KCNC4: variants seen among roughly 807,000 people sequenced by gnomAD.
The protein encoded by KCNC4 is voltage-gated potassium channel KCNC4.
A neutral mutation model predicts 42.8 loss-of-function variants in KCNC4; 23 were observed. The observed-to-expected ratio is 0.54, with a 90% CI of 0.39 to 0.76. KCNC4 has a LOEUF of 0.76. KCNC4 is among the 30% of genes least tolerant of loss of function. The pLI, the probability that KCNC4 is intolerant of heterozygous loss-of-function variation, is 0.00. For missense variants in KCNC4, 751 were observed against 898.2 expected (o/e 0.84, Z 2.10); for synonymous variants, 422 against 393.5 (o/e 1.07, Z -0.86).
intron 1 of KCNC4, among the ~76,000 whole-genome samples, chr1:110,273,371 G>A (rs919352560): frequency 6.6e-6 from 1 of 152,148 alleles, no homozygotes; most frequent in African/African-American, 2.4e-5. Context: ...GCATTCTATT[G>A]GTACTGCAAC....
At chr1:110,268,610 G>GAAAAAAAAAAAAAAAAAAA (rs1177241176) in intron 1 of KCNC4, among the ~76,000 whole-genome samples, 2 of 82,060 alleles carry the variant, frequency 2.4e-5, no homozygotes, top group African/African-American at 9.0e-5. Context: ...TGTCTCAAAA[G>GAAAAAAAAAAAAAAAAAAA]AAAAAAAAAA....
At chr1:110,271,926 A>C (rs1260739284) in intron 1 of KCNC4, among the ~76,000 whole-genome samples, 1 of 152,100 alleles carries the variant, frequency 6.6e-6, no homozygotes, top group Non-Finnish European at 1.5e-5. Flanking sequence ...GTTATAACAC[A>C]CACTCACCCA....
At chr1:110,265,380 AATAAAATAAAATAAAATAAAAT>A (rs1659521241) in intron 1 of KCNC4, among the ~76,000 whole-genome samples, 2 of 135,500 alleles carry the variant, frequency 1.5e-5, no homozygotes, top group East Asian at 4.0e-4. Flanking sequence ...AATAAAATAA[AATAAAATAAAATAAAATAAAAT>A]AAAATAAAAT....
exon 4 of KCNC4, chr1:110,245,834 A>G (rs1659134219): frequency 6.6e-6 from 1 of 152,248 alleles, no homozygotes; most frequent in African/African-American, 2.4e-5. Context: ...TCTTTCTGAC[A>G]TTGAGAGGGT....
At chr1:110,262,907 C>A (rs896824381) in intron 1 of KCNC4, among the ~76,000 whole-genome samples, 1 of 152,220 alleles carries the variant, frequency 6.6e-6, no homozygotes, top group African/African-American at 2.4e-5. Context: ...GCCTGTCAAG[C>A]CTTGAGCATC....
rs1657463770 is a variant in KCNC4, at chr1:110,211,703, C to T, written c.204C>T (p.Pro68=). Residue 68 remains proline, a synonymous_variant, in exon 1 of 4, where the codon CCC becomes CCT. Transcript: ENST00000438661. This position sits in a 1 kb window ranked among gnomAD's most constrained non-coding sequence, Gnocchi z 6.5. ...CCCGCCTCGCCTGGCTGGCCGACCC[C>T]GACGGCGGGGGCCGGCCCGAGACCG... ...PGTRLAWLAD[P]DGGGRPETDG... 1 of 1,609,260 alleles carries T rather than the reference C, an allele frequency of 6.2e-7. No individual in the cohort carries two copies. Among genetic ancestry groups the T allele is most frequent in the Non-Finnish European group, 8.5e-7 (1 of 1,177,906 alleles).
intron 1 of KCNC4, among the ~76,000 whole-genome samples, chr1:110,268,732 T>TATTAC (rs575476059): frequency 6.9e-6 from 1 of 144,580 alleles, no homozygotes; most frequent in African/African-American, 2.6e-5. Flanking sequence ...GAGATTTTAT[T>TATTAC]TTTTTTTTTT....
downstream of KCNC4, among the ~76,000 whole-genome samples, chr1:110,252,084 C>G (rs1659259034): frequency 6.6e-6 from 1 of 152,174 alleles, no homozygotes; most frequent in South Asian, 2.1e-4. Flanking sequence ...GCCTGCACAG[C>G]CCACCAATCT....
At chr1:110,273,215 G>T (rs894414562) in intron 1 of KCNC4, among the ~76,000 whole-genome samples, 2 of 152,202 alleles carry the variant, frequency 1.3e-5, no homozygotes, top group African/African-American at 2.4e-5. Context: ...AAAGTGCTGT[G>T]TGTTTCCTCA....
chr1:110,260,885 G>C (rs1157658009), intron 1 of KCNC4, among the ~76,000 whole-genome samples: 1 of 152,198 alleles, frequency 6.6e-6, no homozygotes, highest in Non-Finnish European at 1.5e-5. Context: ...AGCCGAGATC[G>C]CGCCACTGCA....
At chr1:110,232,286 G>A (rs1229789326) in intron 3 of KCNC4, 1 of 1,613,740 alleles carries the variant, frequency 6.2e-7, no homozygotes. Flanking sequence ...TCCAACTGCT[G>A]GGACTCTGTT....
At chr1:110,215,642 G>A (rs1485275966) in intron 1 of KCNC4, among the ~76,000 whole-genome samples, 1 of 152,216 alleles carries the variant, frequency 6.6e-6, no homozygotes, top group African/African-American at 2.4e-5. Context: ...GGAACTCCCT[G>A]CTCCAGGAAG....
At chr1:110,257,437 C>G (rs1045709507) in intron 1 of KCNC4, among the ~76,000 whole-genome samples, 1 of 151,718 alleles carries the variant, frequency 6.6e-6, no homozygotes, top group Non-Finnish European at 1.5e-5. Flanking sequence ...GTCCAGGGAC[C>G]GGGTGCGGTG....
chr1:110,257,932 A>G (rs1449552992), intron 1 of KCNC4, among the ~76,000 whole-genome samples: 2 of 152,216 alleles, frequency 1.3e-5, no homozygotes, highest in Non-Finnish European at 2.9e-5. Flanking sequence ...AGAAAGGAAC[A>G]AAAGGACATG....
intron 1 of KCNC4, among the ~76,000 whole-genome samples, chr1:110,259,723 GTTC>G (rs1659393613): frequency 1.3e-5 from 2 of 152,172 alleles, no homozygotes. Context: ...AGGATCTGAG[GTTC>G]TTCTTGACTT....
downstream of KCNC4, among the ~76,000 whole-genome samples, chr1:110,252,673 C>G (rs1659267444): frequency 1.3e-5 from 2 of 152,184 alleles, no homozygotes; most frequent in African/African-American, 4.8e-5. Flanking sequence ...AGCATCTACT[C>G]TGTGCCAAAT....
In KCNC4 at chr1:110,213,197, A is replaced by AAAAAAAAAT. The variant is rs869067205; in HGVS notation, c.678+1020_678+1021insAAAAAAAAT. On this transcript the variant is annotated intron_variant, in intron 1 of 3. Coordinates refer to ENST00000438661, the MANE Select transcript of KCNC4 (RefSeq NM_001039574.3). ...AAAAAAAAAAAAAAAAAAAAAAAAA[A>AAAAAAAAAT]TCCCTGAAGGATGGCTTTAGATTCT... Among the ~76,000 whole-genome samples the AAAAAAAAAT allele has an allele frequency of 2.2e-3, 329 of 147,184 alleles. 1 individual carries two copies. The highest frequency in any genetic ancestry group is 3.9e-3 in the Non-Finnish European group (256 of 66,378).
chr1:110,232,139 G>A, intron 3 of KCNC4: 2 of 1,365,522 alleles, frequency 1.5e-6, no homozygotes, highest in Non-Finnish European at 2.0e-6. Flanking sequence ...ATCCCAGGCT[G>A]AGGGTGGGAT....
At position 110,211,577 on chromosome 1, in the gene KCNC4, G is replaced by A. The variant is rs370049320; in HGVS notation, c.78G>A (p.Lys26=). The part of the protein sequence containing the change: ...GNKPPSKTCL[K]EEMAKGEASE... Reference sequence around the variant, plus strand: ...AGCCTCCGTCCAAAACATGTCTGAAGGAGGAGATGGCCAAGGGCGAGGCGT... The same window carrying A: ...AGCCTCCGTCCAAAACATGTCTGAAAGAGGAGATGGCCAAGGGCGAGGCGT... Residue 26 remains lysine, a synonymous_variant, in exon 1 of 4, where the codon AAG becomes AAA. Coordinates refer to ENST00000438661, the MANE Select transcript of KCNC4 (RefSeq NM_001039574.3). This position sits in a 1 kb window ranked among gnomAD's most constrained non-coding sequence, Gnocchi z 6.5. 1.2e-6 allele frequency: 2 copies of A among 1,613,984 alleles called. No individual in the cohort carries two copies. The highest frequency in any genetic ancestry group is 2.7e-5 in the African/African-American group (2 of 74,932).
Sources: allele counts gnomAD v4.1 joint callset (sites outside exome capture counted in the v4.1 genomes callset), GRCh38; gene constraint gnomAD v4.1.1; non-coding constraint Gnocchi (gnomAD v3.1); transcripts MANE v1.5; gene names NCBI Gene and HGNC (gene_info 2026-07-23, HGNC 2026-07-21).